The following TERB1 variants were observed in gnomAD, a reference collection of about 807,000 sequenced individuals.
TERB1 encodes telomere repeat binding bouquet formation protein 1.
TERB1 carries 63 observed loss-of-function variants against 92.3 expected under a neutral mutation model. The ratio of observed to expected loss-of-function variants is 0.68; its 90% CI spans 0.56 to 0.84. The LOEUF is 0.84. Among genes scored for constraint, TERB1 ranks in the 40% least tolerant of loss-of-function variants. TERB1 has a pLI of 0.00. For synonymous variants in TERB1, 252 were observed against 283.9 expected (o/e 0.89, Z 1.13); for missense variants, 709 against 843.7 (o/e 0.84, Z 1.98).
intron 16 of TERB1, among the ~76,000 whole-genome samples, chr16:66,763,740 T>G (rs1193237999): frequency 6.6e-6 from 1 of 151,966 alleles, no homozygotes; most frequent in African/African-American, 2.4e-5. Flanking sequence ...AAAATAAAAG[T>G]TGGAAAAACA....
At chr16:66,776,858 G>A (rs528844175) in intron 11 of TERB1, among the ~76,000 whole-genome samples, 2 of 152,256 alleles carry the variant, frequency 1.3e-5, no homozygotes, top group Admixed American at 6.5e-5. Flanking sequence ...GAAAAATGAA[G>A]GTAGAAGGGA....
At chr16:66,793,680 T>C (rs2018876823) in intron 3 of TERB1, among the ~76,000 whole-genome samples, 1 of 151,820 alleles carries the variant, frequency 6.6e-6, no homozygotes, top group African/African-American at 2.4e-5. Flanking sequence ...CCCAGCTAAA[T>C]TTTTTTTATT....
intron 3 of TERB1, among the ~76,000 whole-genome samples, chr16:66,793,686 T>C (rs1181247131): frequency 6.6e-6 from 1 of 151,790 alleles, no homozygotes; most frequent in East Asian, 1.9e-4. Context: ...TAAATTTTTT[T>C]TATTTTAGTA....
chr16:66,790,491 T>C (rs978834003), intron 5 of TERB1, 104 bp downstream of exon 5: 15 of 826,674 alleles, frequency 1.8e-5, no homozygotes, highest in Non-Finnish European at 2.7e-5. Flanking sequence ...TATTCAAACA[T>C]GTAAAAAAAA....
chr16:66,755,803 A>G (rs1343876773), intron 18 of TERB1, among the ~76,000 whole-genome samples: 4 of 152,124 alleles, frequency 2.6e-5, no homozygotes, highest in Non-Finnish European at 5.9e-5. Flanking sequence ...AAAATAAAAA[A>G]CAGCTTACGT....
intron 18 of TERB1, chr16:66,758,519 T>C: frequency 3.2e-6 from 1 of 314,644 alleles, no homozygotes; most frequent in Non-Finnish European, 5.8e-6. Context: ...GGTGGGTGGA[T>C]CACTTGAGGT....
At chr16:66,775,764 G>A (rs1292177588) in intron 11 of TERB1, among the ~76,000 whole-genome samples, 2 of 143,162 alleles carry the variant, frequency 1.4e-5, no homozygotes, top group African/African-American at 5.3e-5. Flanking sequence ...TGACTGGAGT[G>A]CAGTGGCACA....
intron 15 of TERB1, 76 bp downstream of exon 15, chr16:66,768,028 A>G (rs1416644146): frequency 8.5e-7 from 1 of 1,171,922 alleles, no homozygotes; most frequent in Non-Finnish European, 1.2e-6. Context: ...GCACCCAGTC[A>G]ATGTGCATTT....
At chr16:66,755,484 C>T (rs527911296) in intron 18 of TERB1, among the ~76,000 whole-genome samples, 1 of 152,306 alleles carries the variant, frequency 6.6e-6, no homozygotes, top group African/African-American at 2.4e-5. Context: ...AGTTAACAAA[C>T]ATCTTACCGG....
intron 2 of TERB1, among the ~76,000 whole-genome samples, chr16:66,798,940 T>C (rs1959216209): frequency 6.6e-6 from 1 of 152,238 alleles, no homozygotes; most frequent in South Asian, 2.1e-4. Flanking sequence ...TTCAAAGTGC[T>C]AGTAAGTGCT....
intron 3 of TERB1, among the ~76,000 whole-genome samples, chr16:66,794,996 C>T (rs1567480102): frequency 1.3e-5 from 2 of 151,936 alleles, no homozygotes; most frequent in South Asian, 2.1e-4. Context: ...ACCTTTATAC[C>T]TCAAAAGACA....
At chr16:66,800,727 A>G in intron 2 of TERB1, among the ~76,000 whole-genome samples, 1 of 150,590 alleles carries the variant, frequency 6.6e-6, no homozygotes, top group African/African-American at 2.5e-5. Flanking sequence ...ACGCAAGAAG[A>G]GAGAAGGGGC....
intron 6 of TERB1, among the ~76,000 whole-genome samples, 190 bp downstream of exon 6, chr16:66,787,979 T>C (rs1403991681): frequency 6.6e-6 from 1 of 152,190 alleles, no homozygotes; most frequent in Non-Finnish European, 1.5e-5. Context: ...GGAGAATCAC[T>C]TGAACCAGGT....
At chr16:66,800,458 T>C (rs1262240336) in intron 2 of TERB1, among the ~76,000 whole-genome samples, 1 of 143,528 alleles carries the variant, frequency 7.0e-6, no homozygotes, top group Non-Finnish European at 1.5e-5. Flanking sequence ...TGGCGCCATC[T>C]TGGCTCACTG....
chr16:66,787,283 CTTTTTTT>C (rs58213946), intron 6 of TERB1, among the ~76,000 whole-genome samples: 2 of 137,892 alleles, frequency 1.5e-5, no homozygotes, highest in Non-Finnish European at 3.1e-5. Context: ...TTTTCTTTTT[CTTTTTTT>C]TTTTTTTTTA....
chr16:66,790,362 A>C (rs1306478998), intron 5 of TERB1, among the ~76,000 whole-genome samples: 1 of 149,834 alleles, frequency 6.7e-6, no homozygotes, highest in Non-Finnish European at 1.5e-5. Flanking sequence ...AGAGAGAGAG[A>C]AAGAAGAAAG....
At chr16:66,755,275 G>A (rs1254350235) in intron 18 of TERB1, 112 bp from the exon 19 acceptor site, 1 of 680,266 alleles carries the variant, frequency 1.5e-6, no homozygotes, top group Non-Finnish European at 2.4e-6. Flanking sequence ...AAACTACAGA[G>A]TGAGAAATGC....
intron 11 of TERB1, among the ~76,000 whole-genome samples, chr16:66,776,029 T>C (rs2018542350): frequency 6.6e-6 from 1 of 151,882 alleles, no homozygotes; most frequent in Non-Finnish European, 1.5e-5. Flanking sequence ...ATTTTTAACA[T>C]AGAAAATAAT....
chr16:66,796,902 G>A lies in TERB1; in HGVS notation c.-32-72C>T, dbSNP rs117393647. 1,069 of 718,462 alleles carry A rather than the reference G, an allele frequency of 1.5e-3. 2 individuals carry two copies. Among genetic ancestry groups the A allele is most frequent in the Middle Eastern group, 2.6e-3 (7 of 2,724 alleles). 44.5% of individuals were successfully genotyped at this position (718,462 alleles called of 1,614,324 possible). On this transcript the variant is annotated intron_variant, in intron 2 of 18. Coordinates refer to ENST00000433154, the MANE Select transcript of TERB1 (RefSeq NM_001136505.2). ...GGCAAAGATATAAGTACAAATGGGC[G>A]GGAAAAATTGTTTTCCTGAAGCCAA...
Sources: allele counts gnomAD v4.1 joint callset (sites outside exome capture counted in the v4.1 genomes callset), GRCh38; gene constraint gnomAD v4.1.1; transcripts MANE v1.5; gene names NCBI Gene and HGNC (gene_info 2026-07-23, HGNC 2026-07-21).